TRPM3: variants seen among roughly 807,000 people sequenced by gnomAD.
The protein encoded by TRPM3 is transient receptor potential cation channel subfamily M member 3.
In TRPM3, 77 loss-of-function variants were observed where a neutral mutation model predicts 181.2. The ratio of observed to expected loss-of-function variants is 0.42; its 90% CI spans 0.35 to 0.51. TRPM3 has a LOEUF of 0.51. TRPM3 is among the 20% of genes least tolerant of loss of function. The probability of loss-of-function intolerance (pLI) is 0.01; values close to 1 mark genes in which losing one functional copy is unlikely to be tolerated. For synonymous variants in TRPM3, 745 were observed against 796.4 expected (o/e 0.94, Z 1.09); for missense variants, 1,759 against 2,196.7 (o/e 0.80, Z 3.98).
At chr9:71,206,426 A>G (rs184041264) in intron 1 of TRPM3, among the ~76,000 whole-genome samples, 30 of 150,782 alleles carry the variant, frequency 2.0e-4, no homozygotes, top group African/African-American at 7.0e-4. Context: ...TCCTTCACCC[A>G]CTTTTTGATG....
intron 6 of TRPM3, among the ~76,000 whole-genome samples, chr9:70,807,006 T>C (rs2090839886): frequency 6.6e-6 from 1 of 152,212 alleles, no homozygotes; most frequent in Admixed American, 6.5e-5. Context: ...CCCCAGGGAA[T>C]GAGACACCTT....
intron 1 of TRPM3, among the ~76,000 whole-genome samples, chr9:71,077,073 G>C (rs771693102): frequency 6.6e-6 from 1 of 152,146 alleles, no homozygotes. Flanking sequence ...ACTCCAGGCT[G>C]TAGAGCCCTC....
chr9:71,349,779 C>T (rs990676963), intron 1 of TRPM3, among the ~76,000 whole-genome samples: 2 of 152,094 alleles, frequency 1.3e-5, no homozygotes, highest in Non-Finnish European at 2.9e-5. Context: ...AATTCTTACA[C>T]TCTGCTACAG....
In TRPM3 at chr9:71,309,569, C is replaced by A. The variant is rs556557918; in HGVS notation, c.183+137084G>T. Among the ~76,000 whole-genome samples, 8 of 152,212 alleles carry A rather than the reference C, an allele frequency of 5.3e-5. No homozygotes were observed. The East Asian group carries it at 1.5e-3, about 29-fold the overall frequency. ...GCAAAATCCATCACAATTGCAGTTT[C>A]TCATTCTAGGGTTTTTAGCTATTTT... On this transcript the variant is annotated intron_variant, in intron 1 of 24. Coordinates refer to the TRPM3 transcript ENST00000357533.
At chr9:70,771,099 T>C (rs1476430394) in intron 7 of TRPM3, among the ~76,000 whole-genome samples, 1 of 152,166 alleles carries the variant, frequency 6.6e-6, no homozygotes. Context: ...TTGAAACCAT[T>C]ACGCTCAGAT....
chr9:71,295,655 C>T (rs1243781309), intron 1 of TRPM3, among the ~76,000 whole-genome samples: 1 of 151,644 alleles, frequency 6.6e-6, no homozygotes, highest in Non-Finnish European at 1.5e-5. Context: ...CATAGCAAGA[C>T]TGTATTTGTA....
At chr9:71,316,766 A>G (rs1307574645) in intron 1 of TRPM3, among the ~76,000 whole-genome samples, 1 of 152,172 alleles carries the variant, frequency 6.6e-6, no homozygotes, top group Non-Finnish European at 1.5e-5. Context: ...CAGAACTCTA[A>G]GGTAATACAT....
intron 1 of TRPM3, among the ~76,000 whole-genome samples, chr9:71,042,771 CAG>C (rs1178564298): frequency 6.6e-6 from 1 of 152,080 alleles, no homozygotes; most frequent in Admixed American, 6.5e-5. Flanking sequence ...TTTCAAACAG[CAG>C]AGTCCTTAAA....
Position 71,262,766 on chromosome 9 carries a change from C to T in TRPM3, c.183+183887G>A, listed in dbSNP as rs370018213. ...TCCCTCACAGCACGGTCCCTCACAG[C>T]TTCCCTTGGCTAGGACCCCTTGCAC... On this transcript the variant is annotated intron_variant, in intron 1 of 24. Transcript: ENST00000357533. Among the ~76,000 whole-genome samples, 63 of 152,270 alleles carry T rather than the reference C, an allele frequency of 4.1e-4. 2 individuals are homozygous for T. In the South Asian group the frequency reaches 0.011, roughly 26 times the overall value.
At chr9:70,878,996 G>C (rs960680223) in intron 1 of TRPM3, among the ~76,000 whole-genome samples, 23 of 152,088 alleles carry the variant, frequency 1.5e-4, no homozygotes, top group African/African-American at 5.3e-4. Context: ...TATAGCTATT[G>C]CAATATGTCA....
intron 7 of TRPM3, among the ~76,000 whole-genome samples, chr9:70,779,246 A>AT (rs2082030511): frequency 6.6e-6 from 1 of 152,160 alleles, no homozygotes; most frequent in Non-Finnish European, 1.5e-5. Context: ...TATTTTCCCC[A>AT]TTGATAACTT....
intron 9 of TRPM3, among the ~76,000 whole-genome samples, chr9:70,670,831 A>G (rs370893430): frequency 1.3e-5 from 2 of 152,192 alleles, no homozygotes; most frequent in Admixed American, 1.3e-4. Flanking sequence ...TGTGTCCCTT[A>G]TATCAAACCA....
chr9:70,821,325 G>A (rs2093148121), intron 6 of TRPM3, among the ~76,000 whole-genome samples: 1 of 152,182 alleles, frequency 6.6e-6, no homozygotes, highest in Non-Finnish European at 1.5e-5. Context: ...TATATGGATA[G>A]AGAAAACAAG....
intron 1 of TRPM3, among the ~76,000 whole-genome samples, chr9:70,959,773 TC>T (rs1364238924): frequency 6.6e-6 from 1 of 152,144 alleles, no homozygotes; most frequent in Non-Finnish European, 1.5e-5. Flanking sequence ...CATTTTCCCG[TC>T]CCTTTTAGAT....
chr9:70,924,130 G>T (rs138797130), intron 1 of TRPM3, among the ~76,000 whole-genome samples: 30 of 152,064 alleles, frequency 2.0e-4, no homozygotes, highest in Middle Eastern at 3.4e-3. Context: ...TGGGTGAAAT[G>T]GTGCTGCTGA....
At chr9:71,215,033 C>CAAAAAA (rs67349189) in intron 1 of TRPM3, among the ~76,000 whole-genome samples, 1,157 of 104,754 alleles carry the variant, frequency 0.011, 5 homozygotes, top group East Asian at 0.015. Flanking sequence ...CACCAAAAAA[C>CAAAAAA]AAAAAAAAAA....
chr9:70,569,346 G>A (rs1400778421), intron 22 of TRPM3, among the ~76,000 whole-genome samples: 4 of 152,156 alleles, frequency 2.6e-5, no homozygotes, highest in Admixed American at 6.5e-5. Flanking sequence ...AGTAGGGTTG[G>A]GTTTGCAGTA....
chr9:71,239,619 A>G (rs1486603925), intron 1 of TRPM3, among the ~76,000 whole-genome samples: 1 of 152,166 alleles, frequency 6.6e-6, no homozygotes, highest in Admixed American at 6.5e-5. Context: ...TACCTTACAG[A>G]AAATATTTGC....
intron 9 of TRPM3, among the ~76,000 whole-genome samples, chr9:70,646,284 G>A (rs1238069572): frequency 6.6e-6 from 1 of 152,170 alleles, no homozygotes; most frequent in Non-Finnish European, 1.5e-5. Context: ...GTTTATTGAA[G>A]CACTATTCAC....
Sources: allele counts gnomAD v4.1 joint callset (sites outside exome capture counted in the v4.1 genomes callset), GRCh38; gene constraint gnomAD v4.1.1; transcripts MANE v1.5; gene names NCBI Gene and HGNC (gene_info 2026-07-23, HGNC 2026-07-21).